The following ABCA3 variants were observed in gnomAD, a reference collection of about 807,000 sequenced individuals.
ABCA3 encodes the protein ATP binding cassette subfamily A member 3, also known as phospholipid-transporting ATPase ABCA3.
Under a neutral mutation model 172.8 loss-of-function variants are expected in ABCA3, and 88 were observed. That is an observed-to-expected ratio of 0.51 (90% confidence interval 0.43 to 0.61). The LOEUF (loss-of-function observed/expected upper bound fraction) is 0.61, where lower values mean the gene tolerates loss of function less well. Ranked by LOEUF, ABCA3 falls within the 20% of genes least tolerant of loss-of-function variation. ABCA3 has a pLI of 0.00. For synonymous variants in ABCA3, 1,066 were observed against 983.8 expected (o/e 1.08, Z -1.56); for missense variants, 2,164 against 2,301.0 (o/e 0.94, Z 1.22).
intron 20 of ABCA3, 111 bp from the exon 21 acceptor site, chr16:2,288,440 G>T: frequency 7.8e-7 from 1 of 1,288,584 alleles, no homozygotes; most frequent in South Asian, 1.4e-5. Context: ...GGGGCCTGCA[G>T]CTGAGGTTGC....
intron 1 of ABCA3, among the ~76,000 whole-genome samples, chr16:2,330,490 T>C (rs1311516121): frequency 1.3e-5 from 2 of 150,642 alleles, no homozygotes; most frequent in East Asian, 2.0e-4. Flanking sequence ...CAGCTAACTT[T>C]TGTATTTTTA....
intron 10 of ABCA3, among the ~76,000 whole-genome samples, chr16:2,310,604 C>T (rs1259101540): frequency 2.0e-5 from 3 of 151,288 alleles, no homozygotes; most frequent in African/African-American, 7.3e-5. Context: ...GCAACCTCTG[C>T]CTCCTGGGCT....
chr16:2,295,701 C>T lies in ABCA3; in HGVS notation c.2303G>A (p.Cys768Tyr). ...CAGCTGGGAGATGTCTTCCGGGTTG[C>T]AGTGCGGCTCCTTCACCAGCGTCAT... is the stretch of plus-strand genomic sequence containing the variant. The part of the protein sequence containing the change: ...YHMTLVKEPH[C>Y]NPEDISQLVH... Residue 768 changes from cysteine (C) to tyrosine (Y), a missense_variant, in exon 18 of 33, where the codon TGC (cysteine) becomes TAC (tyrosine). Transcript: ENST00000301732. 1.2e-6 allele frequency: 2 copies of T among 1,614,046 alleles called. No homozygotes were observed. The highest frequency in any genetic ancestry group is 1.7e-6 in the Non-Finnish European group (2 of 1,180,032).
At position 2,319,514 on chromosome 16, in the gene ABCA3, C is replaced by T. The variant is rs150626684; in HGVS notation, c.873+67G>A. On this transcript the variant is annotated intron_variant, in intron 8 of 32. Transcript: ENST00000301732. ...AAAAAAAAATACTAAAACACCAAGC[C>T]TTTGGACATGGCCTCCCCAGGACAG... 556 of 1,577,888 alleles carry T rather than the reference C, an allele frequency of 3.5e-4. No homozygotes were observed. The African/African-American group carries it at 5.0e-3, about 14-fold the overall frequency.
At chr16:2,332,448 C>G in intron 1 of ABCA3, 1 of 1,156,192 alleles carries the variant, frequency 8.6e-7, no homozygotes, top group Non-Finnish European at 1.3e-6. Flanking sequence ...TCTTGGAAGC[C>G]TCATCCATAT....
In ABCA3 at chr16:2,285,392, A is replaced by G. The variant is rs571141134; in HGVS notation, c.3483+50T>C. 1.0e-5 allele frequency: 16 copies of G among 1,556,662 alleles called. No homozygotes were observed. The highest frequency in any genetic ancestry group is 1.3e-5 in the Non-Finnish European group (15 of 1,148,940). The stretch of plus-strand genomic sequence containing the variant: ...GGTTCTGCACAGGGGTCCCAGGGCA[A>G]GCCCTCTGCGGTCTGCAGGGGAACG... On this transcript the variant is annotated intron_variant, in intron 23 of 32. Transcript: ENST00000301732. The surrounding 1 kb of genome is among the most constrained non-coding windows in gnomAD (Gnocchi z 4.7).
Position 2,288,046 on chromosome 16 carries a change from T to C in ABCA3, c.2984A>G (p.Gln995Arg). 1 of 1,610,042 alleles carries C rather than the reference T, an allele frequency of 6.2e-7. No homozygotes were observed. The highest frequency in any genetic ancestry group is 8.5e-7 in the Non-Finnish European group (1 of 1,179,994). Residue 995 changes from glutamine (Q) to arginine (R), a missense_variant, in exon 21 of 33, where the codon CAG becomes CGG. By Grantham distance (43) the Gln-to-Arg change is conservative. Transcript: ENST00000301732. ...CTTACCGAGCACCTCGCGGGGCTCCTGTCCCTCAGCCTGCAGTGCGTCTTT... is the reference window on the plus strand; with the variant it reads ...CTTACCGAGCACCTCGCGGGGCTCCCGTCCCTCAGCCTGCAGTGCGTCTTT... ...HLKDALQAEG[Q>R]EPREVLGDLE...
At chr16:2,330,044 C>T (rs945724911) in intron 1 of ABCA3, among the ~76,000 whole-genome samples, 190 bp from the exon 2 acceptor site, 4 of 152,010 alleles carry the variant, frequency 2.6e-5, no homozygotes, top group African/African-American at 9.7e-5. Context: ...CTGAACAATT[C>T]CAGCACTTTG....
chr16:2,281,577 G>T lies in ABCA3; in HGVS notation c.4036-68C>A. On this transcript the variant is annotated intron_variant, in intron 26 of 32. Transcript: ENST00000301732. This position sits in a 1 kb window ranked among gnomAD's most constrained non-coding sequence, Gnocchi z 4.7. ...AGGGCGGCTTCCGTGGAGAAGGGAG[G>T]GGCGGGGGTGGATGTGGGAGGTCTG... 5 of 1,506,676 alleles carry T rather than the reference G, an allele frequency of 3.3e-6. No homozygotes were observed. Among genetic ancestry groups the T allele is most frequent in the Admixed American group, 1.7e-5 (1 of 59,206 alleles). 93.3% of individuals were successfully genotyped at this position (1,506,676 alleles called of 1,614,324 possible).
rs1339472381 is a variant in ABCA3 at position 2,326,046 on chromosome 16, C to G, written c.283G>C (p.Glu95Gln). 6.2e-7 allele frequency: 1 copy of G among 1,613,936 alleles called. No homozygotes were observed. The highest frequency in any genetic ancestry group is 8.5e-7 in the Non-Finnish European group (1 of 1,180,050). Residue 95 changes from glutamate to glutamine, a missense_variant, in exon 5 of 33, where the codon GAG (glutamate) becomes CAG (glutamine). This residue lies in a region of ABCA3 where 1,343 missense variants were observed against 1,369.6 expected (regional missense o/e 0.98). Coordinates refer to ENST00000301732, the MANE Select transcript of ABCA3 (RefSeq NM_001089.3). ...SHSDAAKTVT[E>Q]TVRRALVINM... Reference sequence around the variant, plus strand: ...ATCACAAGTGCCCTGCGCACTGTCTCAGTGACGGTCTTGGCAGCGTCACTG... The same window carrying G: ...ATCACAAGTGCCCTGCGCACTGTCTGAGTGACGGTCTTGGCAGCGTCACTG...
In ABCA3 at chr16:2,279,406, G is replaced by A. The variant is rs1206120719; in HGVS notation, c.4360-276C>T. On this transcript the variant is annotated intron_variant, in intron 28 of 32. Coordinates refer to ENST00000301732, the MANE Select transcript of ABCA3 (RefSeq NM_001089.3). The surrounding 1 kb of genome is among the most constrained non-coding windows in gnomAD (Gnocchi z 4.4). The stretch of plus-strand genomic sequence containing the variant: ...TCCAGGACAGGCAGCCATGGGGTTA[G>A]GTGGTGCAAGAATGGCCTTTACGTA... Among the ~76,000 whole-genome samples, 1 of 152,236 alleles carries A rather than the reference G, an allele frequency of 6.6e-6. No homozygotes were observed. The highest frequency in any genetic ancestry group is 1.5e-5 in the Non-Finnish European group (1 of 68,032).
At chr16:2,340,389 AGGAGGGGCGGGCGCGGGCGCGGCC>A (rs1409396610) in intron 1 of ABCA3, among the ~76,000 whole-genome samples, 160 bp downstream of exon 1, 4 of 151,284 alleles carry the variant, frequency 2.6e-5, no homozygotes, top group African/African-American at 4.8e-5. Flanking sequence ...AGGCCGCGGC[AGGAGGGGCGGGCGCGGGCGCGGCC>A]GGAGGGGATG....
intron 26 of ABCA3, among the ~76,000 whole-genome samples, chr16:2,282,835 G>A (rs543649119): frequency 6.9e-4 from 97 of 140,078 alleles, no homozygotes; most frequent in Non-Finnish European, 1.2e-3. Context: ...CGGGCACTGG[G>A]TGTCCCTGGG....
chr16:2,323,362 T>A (rs1488646029), intron 7 of ABCA3, 161 bp downstream of exon 7: 3 of 887,884 alleles, frequency 3.4e-6, no homozygotes, highest in Non-Finnish European at 5.6e-6. Context: ...ACACGTATGT[T>A]TATTGCGGCA....
rs1447543205 is a variant in ABCA3, at chr16:2,284,445, G to T, written c.3704-8C>A. On this transcript the variant is annotated splice_region_variant and splice_polypyrimidine_tract_variant and intron_variant, in intron 24 of 32. Coordinates refer to ENST00000301732, the MANE Select transcript of ABCA3 (RefSeq NM_001089.3). This position sits in a 1 kb window ranked among gnomAD's most constrained non-coding sequence, Gnocchi z 5.9. ...GTTCTTCCAGTTTTACAGCTGCGTT[G>T]GGGAGGTAAGATCAGTCTGCGCTGG... 3.7e-6 allele frequency: 6 copies of T among 1,613,498 alleles called. No individual in the cohort carries two copies. In the Admixed American group the frequency reaches 8.3e-5, roughly 22 times the overall value.
At chr16:2,280,092 CT>C (rs949446055) in intron 28 of ABCA3, among the ~76,000 whole-genome samples, 1 of 152,218 alleles carries the variant, frequency 6.6e-6, no homozygotes, top group Non-Finnish European at 1.5e-5. Flanking sequence ...TAGCCACTAC[CT>C]TTTTGGCTAC....
rs1319566900 is a variant in ABCA3, at chr16:2,276,704, C to T, written c.5085G>A (p.Leu1695=). ...LEQVFLSFAH[L]QPPTAEEGR ...GCCCCTCCTCTGCGGTGGGCGGCTG[C>T]AGGTGGGCGAAGCTCAGGAAGACCT... is the stretch of plus-strand genomic sequence containing the variant. The change falls in exon 33 of 33, where the codon CTG becomes CTA. Residue 1695 remains leucine (L), a synonymous_variant. Coordinates refer to ENST00000301732, the MANE Select transcript of ABCA3 (RefSeq NM_001089.3). 1.2e-6 allele frequency: 2 copies of T among 1,613,690 alleles called. No individual in the cohort carries two copies. Among genetic ancestry groups the T allele is most frequent in the East Asian group, 2.2e-5 (1 of 44,878 alleles).
intron 7 of ABCA3, among the ~76,000 whole-genome samples, chr16:2,322,418 G>A (rs2093727521): frequency 6.6e-6 from 1 of 150,728 alleles, no homozygotes; most frequent in Admixed American, 6.6e-5. Flanking sequence ...TAGGGTACGT[G>A]TGCACAATGT....
intron 28 of ABCA3, 53 bp downstream of exon 28, chr16:2,280,972 GCC>G: frequency 5.0e-6 from 8 of 1,608,854 alleles, no homozygotes; most frequent in Non-Finnish European, 6.8e-6. Context: ...CCTCCAGGGT[GCC>G]CCCTCCAGCC....
Sources: allele counts gnomAD v4.1 joint callset (sites outside exome capture counted in the v4.1 genomes callset), GRCh38; gene constraint gnomAD v4.1.1; regional missense constraint gnomAD v4.1.1; non-coding constraint Gnocchi (gnomAD v3.1); transcripts MANE v1.5; gene names NCBI Gene and HGNC (gene_info 2026-07-23, HGNC 2026-07-21).